The following PDE4B variants were observed in gnomAD, a reference collection of about 807,000 sequenced individuals.
PDE4B encodes the protein 3',5'-cyclic-AMP phosphodiesterase 4B.
In PDE4B, 20 loss-of-function variants were observed where a neutral mutation model predicts 82.2. The observed-to-expected ratio is 0.24, with a 90% confidence interval of 0.17 to 0.35. The LOEUF is 0.35. Ranked by LOEUF, PDE4B falls within the 10% of genes least tolerant of loss-of-function variation. The pLI, the probability that PDE4B is intolerant of heterozygous loss-of-function variation, is 1.00. For synonymous variants in PDE4B, 320 were observed against 318.9 expected, an observed-to-expected ratio of 1.00 and a Z score of -0.04; for missense variants, 655 against 907.2, an observed-to-expected ratio of 0.72 and a Z score of 3.57.
At chr1:66,057,761 T>G (rs960741639) in intron 3 of PDE4B, among the ~76,000 whole-genome samples, 2 of 152,176 alleles carry the variant, frequency 1.3e-5, no homozygotes, top group Non-Finnish European at 2.9e-5. Context: ...CTCCCATGAT[T>G]CAGTTATTTC....
At chr1:65,933,919 A>C (rs1647978423) in intron 3 of PDE4B, among the ~76,000 whole-genome samples, 1 of 152,248 alleles carries the variant, frequency 6.6e-6, no homozygotes. Flanking sequence ...ATATTATTTA[A>C]AGGGATATGG....
rs573786951 is a variant in PDE4B at position 66,249,652 on chromosome 1, G to A, written c.476+1998G>A. On this transcript the variant is annotated intron_variant, in intron 4 of 16. Coordinates refer to ENST00000341517, the MANE Select transcript of PDE4B (RefSeq NM_002600.4). ...ACTGTCCTTTCAATTTTACTGGCCAGTAAAATTCCCCACCACCCGCCCCAC... is the reference window on the plus strand; with the variant it reads ...ACTGTCCTTTCAATTTTACTGGCCAATAAAATTCCCCACCACCCGCCCCAC... 2.6e-3 allele frequency among the ~76,000 whole-genome samples: 388 copies of A among 152,102 alleles called. 1 individual carries two copies. The highest frequency in any genetic ancestry group is 0.024 in the Middle Eastern group (7 of 294).
At chr1:66,239,350 A>G (rs990665199) in intron 3 of PDE4B, among the ~76,000 whole-genome samples, 6 of 152,132 alleles carry the variant, frequency 3.9e-5, no homozygotes, top group African/African-American at 1.4e-4. Context: ...TACAGAAAAC[A>G]TTCCCACACA....
At position 66,070,267 on chromosome 1, in the gene PDE4B, AG is replaced by A. The variant is rs1656087720; in HGVS notation, c.281+151434del. Among the ~76,000 whole-genome samples the A allele has an allele frequency of 1.3e-5, 2 of 151,948 alleles. 1 individual carries two copies. Among genetic ancestry groups the A allele is most frequent in the South Asian group, 4.1e-4 (2 of 4,832 alleles). ...GCATTTTTTTTTCCTCAGGAGAAAA[AG>A]GTCTGTTGAAATCTTTAGTTGGAAT... On this transcript the variant is annotated intron_variant, in intron 3 of 16. Coordinates refer to ENST00000341517, the MANE Select transcript of PDE4B (RefSeq NM_002600.4).
At chr1:66,281,712 G>C (rs1260790763) in intron 7 of PDE4B, among the ~76,000 whole-genome samples, 1 of 152,146 alleles carries the variant, frequency 6.6e-6, no homozygotes, top group Non-Finnish European at 1.5e-5. Flanking sequence ...TGGGGGAGGA[G>C]GTGTTATCAC....
chr1:66,336,329 C>T (rs1037211823), intron 8 of PDE4B, among the ~76,000 whole-genome samples: 4 of 152,126 alleles, frequency 2.6e-5, no homozygotes, highest in Admixed American at 1.3e-4. Context: ...TTGTGACTGG[C>T]GGGGAATGGG....
At chr1:66,252,515 G>A (rs1195213769) in intron 4 of PDE4B, among the ~76,000 whole-genome samples, 1 of 152,142 alleles carries the variant, frequency 6.6e-6, no homozygotes, top group African/African-American at 2.4e-5. Flanking sequence ...ATCATCCAAA[G>A]CAAAGCCTAT....
At chr1:65,905,333 G>A (rs1647017194) in intron 1 of PDE4B, among the ~76,000 whole-genome samples, 1 of 152,142 alleles carries the variant, frequency 6.6e-6, no homozygotes, top group Non-Finnish European at 1.5e-5. Flanking sequence ...ATGTTATAGT[G>A]TAGGAAAAGT....
intron 3 of PDE4B, among the ~76,000 whole-genome samples, chr1:65,945,806 G>A (rs1333904395): frequency 6.6e-6 from 1 of 151,912 alleles, no homozygotes. Flanking sequence ...ATTCTGTCTG[G>A]TAGGCACAAA....
chr1:65,944,072 T>C (rs1648579623), intron 3 of PDE4B, among the ~76,000 whole-genome samples: 1 of 151,998 alleles, frequency 6.6e-6, no homozygotes, highest in South Asian at 2.1e-4. Context: ...ATTCATATCT[T>C]AGAGGGAAAG....
chr1:66,320,414 A>T (rs1659316050), intron 7 of PDE4B, among the ~76,000 whole-genome samples: 1 of 152,218 alleles, frequency 6.6e-6, no homozygotes, highest in Non-Finnish European at 1.5e-5. Context: ...CCAGCCTAGA[A>T]ATCTAATCAA....
At chr1:66,236,450 T>A (rs1652465132) in intron 3 of PDE4B, among the ~76,000 whole-genome samples, 1 of 152,162 alleles carries the variant, frequency 6.6e-6, no homozygotes, top group African/African-American at 2.4e-5. Flanking sequence ...GTTTATTCCT[T>A]TGTATAGAAC....
chr1:65,971,330 A>G (rs909438007), intron 3 of PDE4B, among the ~76,000 whole-genome samples: 7 of 152,108 alleles, frequency 4.6e-5, no homozygotes, highest in African/African-American at 1.7e-4. Context: ...TTCTATATAA[A>G]ACATCTCCAT....
chr1:66,070,205 T>A (rs1656080273), intron 3 of PDE4B, among the ~76,000 whole-genome samples: 1 of 152,076 alleles, frequency 6.6e-6, no homozygotes, highest in South Asian at 2.1e-4. Flanking sequence ...AGGCACCCTG[T>A]AAATGTGTTG....
intron 3 of PDE4B, among the ~76,000 whole-genome samples, chr1:66,159,366 G>A (rs914850315): frequency 1.3e-5 from 2 of 151,358 alleles, no homozygotes; most frequent in African/African-American, 2.4e-5. Flanking sequence ...AGCCTCCCAG[G>A]TAGCAGGGAC....
chr1:66,321,142 G>T (rs1444470596), intron 7 of PDE4B, among the ~76,000 whole-genome samples: 1 of 152,146 alleles, frequency 6.6e-6, no homozygotes, highest in Non-Finnish European at 1.5e-5. Flanking sequence ...GACATAAAAA[G>T]CTTTTTATAA....
At chr1:65,836,543 C>T (rs1646141927) in intron 1 of PDE4B, among the ~76,000 whole-genome samples, 1 of 152,150 alleles carries the variant, frequency 6.6e-6, no homozygotes, top group Non-Finnish European at 1.5e-5. Context: ...CAGGTAAACA[C>T]CGGGGCATCC....
At chr1:65,801,110 G>T (rs916048780) in intron 1 of PDE4B, among the ~76,000 whole-genome samples, 2 of 152,150 alleles carry the variant, frequency 1.3e-5, no homozygotes, top group African/African-American at 4.8e-5. Context: ...TTCTTAAAAC[G>T]AAGTCTGTTT....
chr1:66,171,015 G>A (rs1257609719), intron 3 of PDE4B, among the ~76,000 whole-genome samples: 1 of 152,172 alleles, frequency 6.6e-6, no homozygotes, highest in Non-Finnish European at 1.5e-5. Context: ...ATTTTTGTGT[G>A]CAGTGCCTAC....
Sources: allele counts gnomAD v4.1 joint callset (sites outside exome capture counted in the v4.1 genomes callset), GRCh38; gene constraint gnomAD v4.1.1; transcripts MANE v1.5; gene names NCBI Gene and HGNC (gene_info 2026-07-23, HGNC 2026-07-21).